Variants in DLGAP1 observed in about 807,000 individuals in gnomAD.
The protein encoded by DLGAP1 is disks large-associated protein 1.
A neutral mutation model predicts 90.8 loss-of-function variants in DLGAP1; 11 were observed. The ratio of observed to expected loss-of-function variants is 0.12; its 90% CI spans 0.08 to 0.20. The LOEUF is 0.20. Ranked by LOEUF, DLGAP1 falls within the 10% of genes least tolerant of loss-of-function variation. The pLI is 1.00. For synonymous variants in DLGAP1, 558 were observed against 540.7 expected (o/e 1.03, Z -0.44); for missense variants, 1,050 against 1,333.8 (o/e 0.79, Z 3.31).
intron 10 of DLGAP1, among the ~76,000 whole-genome samples, chr18:3,518,029 C>T (rs1038879746): frequency 6.6e-6 from 1 of 152,170 alleles, no homozygotes; most frequent in Non-Finnish European, 1.5e-5. Flanking sequence ...CACAACTTGG[C>T]TATCTGGCAC....
intron 3 of DLGAP1, among the ~76,000 whole-genome samples, chr18:3,964,754 T>C (rs540963931): frequency 6.6e-6 from 1 of 152,286 alleles, no homozygotes; most frequent in Non-Finnish European, 1.5e-5. Context: ...CAGGTGTGCT[T>C]TAACCAGCGA....
At chr18:3,843,261 A>G (rs1456342898) in intron 4 of DLGAP1, among the ~76,000 whole-genome samples, 2 of 152,234 alleles carry the variant, frequency 1.3e-5, no homozygotes, top group African/African-American at 4.8e-5. Flanking sequence ...AGGGCTAACA[A>G]CTTTGCATCT....
chr18:4,062,143 T>A lies in DLGAP1; in HGVS notation c.-158-56942A>T, dbSNP rs369472277. Among the ~76,000 whole-genome samples, 94 of 152,318 alleles carry A rather than the reference T, an allele frequency of 6.2e-4. 2 individuals are homozygous for A. In the South Asian group the frequency reaches 0.016, roughly 27 times the overall value. ...CTTCTAAACAAAATTTGGAGCATAT[T>A]TCTTTCTACCTGAGTACTCCAAAAT... On this transcript the variant is annotated intron_variant, in intron 2 of 12. Coordinates refer to ENST00000315677, the MANE Select transcript of DLGAP1 (RefSeq NM_004746.4).
intron 8 of DLGAP1, among the ~76,000 whole-genome samples, chr18:3,569,529 C>A (rs1477857264): frequency 6.6e-6 from 1 of 151,940 alleles, no homozygotes; most frequent in African/African-American, 2.4e-5. Flanking sequence ...GTAGTCACAT[C>A]CAGCTTTTAT....
intron 1 of DLGAP1, among the ~76,000 whole-genome samples, chr18:4,418,381 AC>A (rs1477154679): frequency 6.6e-6 from 1 of 152,222 alleles, no homozygotes; most frequent in Non-Finnish European, 1.5e-5. Context: ...ACCAGACTCA[AC>A]TATGACACAG....
intron 1 of DLGAP1, among the ~76,000 whole-genome samples, chr18:4,291,412 T>G (rs2079845242): frequency 6.6e-6 from 1 of 152,158 alleles, no homozygotes; most frequent in Non-Finnish European, 1.5e-5. Context: ...AAATATTCAT[T>G]AAGCATATTG....
At chr18:3,650,125 C>A (rs2059245159) in intron 7 of DLGAP1, among the ~76,000 whole-genome samples, 1 of 152,172 alleles carries the variant, frequency 6.6e-6, no homozygotes, top group Non-Finnish European at 1.5e-5. Flanking sequence ...CTCACCGCAA[C>A]CTCCACCTCC....
chr18:4,051,297 T>C (rs1036625569), intron 2 of DLGAP1, among the ~76,000 whole-genome samples: 1 of 152,198 alleles, frequency 6.6e-6, no homozygotes, highest in African/African-American at 2.4e-5. Context: ...TACTCAAGAC[T>C]GGGTAATTTA....
chr18:3,871,448 G>A (rs1404469049), intron 4 of DLGAP1, among the ~76,000 whole-genome samples: 1 of 152,118 alleles, frequency 6.6e-6, no homozygotes, highest in Non-Finnish European at 1.5e-5. Flanking sequence ...TGATTTTAGA[G>A]TCTCGGAGAA....
At chr18:3,550,637 G>A (rs932532355) in intron 9 of DLGAP1, among the ~76,000 whole-genome samples, 1 of 151,260 alleles carries the variant, frequency 6.6e-6, no homozygotes, top group East Asian at 1.9e-4. Flanking sequence ...GAGGAGAGAC[G>A]ACATGAAGAC....
chr18:3,527,077 A>G (rs954546171), intron 10 of DLGAP1, among the ~76,000 whole-genome samples: 4 of 152,154 alleles, frequency 2.6e-5, no homozygotes, highest in South Asian at 2.1e-4. Context: ...GAAAACAGTA[A>G]CTCCAGGCAC....
intron 2 of DLGAP1, among the ~76,000 whole-genome samples, chr18:4,033,929 A>T (rs1415321120): frequency 6.7e-6 from 1 of 149,582 alleles, no homozygotes; most frequent in Non-Finnish European, 1.5e-5. Context: ...AGTAGAGACA[A>T]GGTTTCACTG....
intron 2 of DLGAP1, among the ~76,000 whole-genome samples, chr18:4,147,653 A>G (rs2076608767): frequency 6.6e-6 from 1 of 151,988 alleles, no homozygotes; most frequent in Non-Finnish European, 1.5e-5. Context: ...ACAGATATTT[A>G]TGGGTTTCCA....
intron 3 of DLGAP1, among the ~76,000 whole-genome samples, chr18:3,940,340 C>A (rs114551294): frequency 0.011 from 1,692 of 152,286 alleles, 35 homozygotes; most frequent in African/African-American, 0.039. Context: ...ATAAACTACT[C>A]CCGAAATTCC....
Position 3,818,358 on chromosome 18 carries a change from T to G in DLGAP1, c.958-4085A>C, listed in dbSNP as rs1334468801. ...GGATGTAGGGATGGTTTTTTTTTTT[T>G]TTTTTTTTTTTTTTTTTTTGAGACA... On this transcript the variant is annotated intron_variant, in intron 4 of 12. Transcript: ENST00000315677. 6.1e-4 allele frequency among the ~76,000 whole-genome samples: 84 copies of G among 138,198 alleles called. 1 individual carries two copies. The highest frequency in any genetic ancestry group is 2.2e-3 in the African/African-American group (81 of 36,732). The allele number at this position is 138,198 out of a possible 152,430, so 90.7% of individuals were successfully genotyped here.
At chr18:3,556,849 T>G (rs115616883) in intron 9 of DLGAP1, among the ~76,000 whole-genome samples, 1,687 of 152,268 alleles carry the variant, frequency 0.011, 36 homozygotes, top group African/African-American at 0.039. Flanking sequence ...GGCAAGGTAG[T>G]TCATGCCTCT....
chr18:3,629,824 T>G (rs1347628405), intron 7 of DLGAP1, among the ~76,000 whole-genome samples: 1 of 152,234 alleles, frequency 6.6e-6, no homozygotes, highest in Non-Finnish European at 1.5e-5. Flanking sequence ...GTTTTGATAT[T>G]TCGATGTCCC....
chr18:3,598,220 G>GCC (rs2056694826), intron 7 of DLGAP1: 3 of 152,168 alleles, frequency 2.0e-5, no homozygotes, highest in Non-Finnish European at 4.4e-5. Context: ...GCGTAGTGGC[G>GCC]CATGCCTGTA....
chr18:3,600,895 T>TATATAG (rs2056939822), intron 7 of DLGAP1, among the ~76,000 whole-genome samples: 10 of 100,400 alleles, frequency 1.0e-4, no homozygotes, highest in South Asian at 2.9e-4. Flanking sequence ...GATATATAGA[T>TATATAG]ATATATAGAT....
Sources: gnomAD v4.1 joint callset for allele counts (sites outside exome capture counted in the v4.1 genomes callset) on GRCh38, gnomAD v4.1.1 for gene constraint, MANE v1.5 for transcripts, NCBI Gene and HGNC (gene_info 2026-07-23, HGNC 2026-07-21) for gene names.